The following GAS6 variants were observed in gnomAD, a reference collection of about 807,000 sequenced individuals.
The protein encoded by GAS6 is growth arrest-specific protein 6.
GAS6 carries 41 observed loss-of-function variants against 75.8 expected under a neutral mutation model. That is an observed-to-expected ratio of 0.54 (90% CI 0.42 to 0.70). The LOEUF (loss-of-function observed/expected upper bound fraction) is 0.70, where lower values mean the gene tolerates loss of function less well. GAS6 is among the 30% of genes least tolerant of loss of function. The pLI, the probability that GAS6 is intolerant of heterozygous loss-of-function variation, is 0.00. For missense variants in GAS6, 854 were observed against 940.2 expected (o/e 0.91, Z 1.20); for synonymous variants, 432 against 412.6 (o/e 1.05, Z -0.57).
At chr13:113,859,286 A>C (rs987196536) in intron 2 of GAS6, among the ~76,000 whole-genome samples, 1 of 149,184 alleles carries the variant, frequency 6.7e-6, no homozygotes, top group South Asian at 2.1e-4. Context: ...ATCTATGTGA[A>C]TGTGTGCATG....
chr13:113,833,977 CCGGTGTGACAGGT>C (rs1217110458), intron 8 of GAS6, among the ~76,000 whole-genome samples: 7 of 141,902 alleles, frequency 4.9e-5, no homozygotes, highest in Admixed American at 2.1e-4. Context: ...GTGACAGGCC[CCGGTGTGACAGGT>C]CGGTGTGACA....
Position 113,832,619 on chromosome 13 carries a change from T to C in GAS6, c.953+15A>G. On this transcript the variant is annotated intron_variant, in intron 9 of 14. Coordinates refer to ENST00000327773, the MANE Select transcript of GAS6 (RefSeq NM_000820.4). ...CCATTCTAAGTTGTGTTGCCTCCTG[T>C]GGACACCTCCTCACCTGGTGGGCTG... 1.2e-6 allele frequency: 2 copies of C among 1,612,686 alleles called. No homozygotes were observed. The highest frequency in any genetic ancestry group is 1.7e-6 in the Non-Finnish European group (2 of 1,179,910).
chr13:113,858,751 GTA>G (rs1269236284), intron 2 of GAS6, among the ~76,000 whole-genome samples: 2 of 151,920 alleles, frequency 1.3e-5, no homozygotes, highest in South Asian at 2.1e-4. Flanking sequence ...ATGTCTGTTA[GTA>G]TGTGTGTGCG....
intron 8 of GAS6, 44 bp downstream of exon 8, chr13:113,834,507 C>A: frequency 1.4e-6 from 2 of 1,461,210 alleles, no homozygotes; most frequent in East Asian, 2.5e-5. Context: ...GGCGAGGGCC[C>A]CCGGAACCAC....
intron 8 of GAS6, chr13:113,833,874 GGTGTGACAAGTCA>G (rs1371333922): frequency 1.9e-6 from 2 of 1,028,416 alleles, no homozygotes; most frequent in East Asian, 2.3e-4. Context: ...GTGAGACACT[GGTGTGACAAGTCA>G]GTGTGACAGG....
chr13:113,862,886 C>T (rs937409074), intron 2 of GAS6, among the ~76,000 whole-genome samples: 3 of 152,236 alleles, frequency 2.0e-5, no homozygotes, highest in Non-Finnish European at 2.9e-5. Flanking sequence ...CCAAAGTCAC[C>T]CGCTCCCGAG....
At position 113,822,110 on chromosome 13, in the gene GAS6, A is replaced by G; in HGVS notation, c.1730T>C (p.Val577Ala). 6.2e-7 allele frequency: 1 copy of G among 1,600,964 alleles called. No individual in the cohort carries two copies. The highest frequency in any genetic ancestry group is 8.5e-7 in the Non-Finnish European group (1 of 1,175,488). ...CTCACCGTCCCTCAGCGAGACGGTG[A>G]CCACGTGCTCTTGGCCGTCGCAGAC... is the stretch of plus-strand genomic sequence containing the variant. ...IKVCDGQEHV[V>A]TVSLRDGEAT... The change falls in exon 14 of 15, where the codon GTC (valine) becomes GCC (alanine). Residue 577 changes from valine to alanine, a missense_variant. Val to Ala is a moderately conservative substitution (Grantham distance 64, BLOSUM62 0). Coordinates refer to ENST00000327773, the MANE Select transcript of GAS6 (RefSeq NM_000820.4).
At chr13:113,827,222 G>A (rs1249764379) in intron 11 of GAS6, 58 bp from the exon 12 acceptor site, 5 of 1,573,300 alleles carry the variant, frequency 3.2e-6, no homozygotes, top group Admixed American at 1.7e-5. Flanking sequence ...CATGCCGGAT[G>A]CCCCAGTCGG....
intron 2 of GAS6, among the ~76,000 whole-genome samples, chr13:113,854,980 G>C (rs367686480): frequency 6.6e-6 from 1 of 152,244 alleles, no homozygotes; most frequent in African/African-American, 2.4e-5. Context: ...CGGTGGCATC[G>C]CTGTCCTGGG....
At chr13:113,842,643 A>G in intron 4 of GAS6, 1 of 397,224 alleles carries the variant, frequency 2.5e-6, no homozygotes. Context: ...TGGGGGCAGG[A>G]GGGAGTCAGA....
At chr13:113,842,521 T>C in intron 4 of GAS6, 1 of 396,326 alleles carries the variant, frequency 2.5e-6, no homozygotes, top group Non-Finnish European at 4.4e-6. Flanking sequence ...CCGCGGGGCG[T>C]CTGGAGACGT....
In GAS6 at chr13:113,863,489, G is replaced by C. The variant is rs915144922; in HGVS notation, c.255+86C>G. The C allele has an allele frequency of 3.0e-6, 4 of 1,327,300 alleles. No homozygotes were observed. Among genetic ancestry groups the C allele is most frequent in the Non-Finnish European group, 2.9e-6 (3 of 1,022,756 alleles). The allele number at this position is 1,327,300 out of a possible 1,614,324, so 82.2% of individuals were successfully genotyped here. A position where few individuals can be genotyped will look rare whatever the true frequency, so the allele number is the denominator to read the frequency against. ...CCAGGCCTCGCCGCGCGGAGCTGGG[G>C]GGCGGCAGCAGCGCTGCCTCTCGGG... On this transcript the variant is annotated intron_variant, in intron 2 of 14. Transcript: ENST00000327773. The surrounding 1 kb of genome is among the most constrained non-coding windows in gnomAD (Gnocchi z 9.4).
chr13:113,821,721 C>G, intron 14 of GAS6: 1 of 528,626 alleles, frequency 1.9e-6, no homozygotes, highest in Non-Finnish European at 3.3e-6. Context: ...TGGGGCCTGA[C>G]TCAGGCCAAT....
At chr13:113,823,739 G>A (rs1334434570) in intron 12 of GAS6, among the ~76,000 whole-genome samples, 189 bp from the exon 13 acceptor site, 1 of 152,170 alleles carries the variant, frequency 6.6e-6, no homozygotes, top group Non-Finnish European at 1.5e-5. Context: ...AGGCACCGGG[G>A]ACCCCCAGGC....
chr13:113,834,593 C>A lies in GAS6; in HGVS notation c.792G>T (p.Gly264=), dbSNP rs1038196675. Residue 264 remains glycine, a synonymous_variant, in exon 8 of 15, where the codon GGG becomes GGT. Transcript: ENST00000327773. ...CCTGGGACAGCTTGAGGCCCCCACG[C>A]CCGTCACAGTGGCAGGTGTAGCTCC... is the stretch of plus-strand genomic sequence containing the variant. ...SPGSYTCHCD[G]RGGLKLSQDM... is the part of the protein sequence containing the mutation. 6.8e-6 allele frequency: 11 copies of A among 1,608,006 alleles called. No homozygotes were observed. The highest frequency in any genetic ancestry group is 9.3e-6 in the Non-Finnish European group (11 of 1,177,970).
At chr13:113,821,568 G>T in intron 14 of GAS6, 1 of 254,870 alleles carries the variant, frequency 3.9e-6, no homozygotes, top group Non-Finnish European at 7.5e-6. Context: ...CATGGGAGGG[G>T]CTGGCGGTCA....
In GAS6 at chr13:113,822,175, C is replaced by A; in HGVS notation, c.1665G>T (p.Leu555=). 6.4e-7 allele frequency: 1 copy of A among 1,552,154 alleles called. No individual in the cohort carries two copies. Among genetic ancestry groups the A allele is most frequent in the Non-Finnish European group, 8.7e-7 (1 of 1,143,508 alleles). Residue 555 remains leucine (L), a synonymous_variant, in exon 14 of 15, where the codon CTG becomes CTT. Coordinates refer to ENST00000327773, the MANE Select transcript of GAS6 (RefSeq NM_000820.4). ...GGGCCAAGGCCGTATGCTCCACGGC[C>A]AGGACCACCAGCTGCAGGAGACCGA... ...TKKLKKQLVV[L]AVEHTALALM... is the part of the protein sequence containing the mutation.
Position 113,837,466 on chromosome 13 carries a change from G to A in GAS6, c.589+603C>T, listed in dbSNP as rs2138641807. ...CAGATACAACGTGGGGAGGGAGGAG[G>A]AAGGTGCTCCCCCTGCAAAGTGGCA... On this transcript the variant is annotated intron_variant, in intron 6 of 14. Transcript: ENST00000327773. The surrounding 1 kb of genome is among the most constrained non-coding windows in gnomAD (Gnocchi z 5.1). 6.6e-6 allele frequency among the ~76,000 whole-genome samples: 1 copy of A among 152,260 alleles called. No individual in the cohort carries two copies. The highest frequency in any genetic ancestry group is 2.4e-5 in the African/African-American group (1 of 41,546).
rs539811481 is a variant in GAS6 at position 113,827,218 on chromosome 13, G to A, written c.1309-54C>T. ...TCCTGGGAGCGAGAAGCCCCATGCC[G>A]GATGCCCCAGTCGGTGGGTGGCGCC... On this transcript the variant is annotated intron_variant, in intron 11 of 14. Transcript: ENST00000327773. The A allele has an allele frequency of 6.9e-4, 1,097 of 1,580,516 alleles. 2 individuals carry two copies. Among genetic ancestry groups the A allele is most frequent in the East Asian group, 3.1e-3 (139 of 44,420 alleles).
Sources: allele counts gnomAD v4.1 joint callset (sites outside exome capture counted in the v4.1 genomes callset), GRCh38; gene constraint gnomAD v4.1.1; non-coding constraint Gnocchi (gnomAD v3.1); transcripts MANE v1.5; gene names NCBI Gene and HGNC (gene_info 2026-07-23, HGNC 2026-07-21).